Variants in DNAH7 observed in about 807,000 individuals in gnomAD.
DNAH7 encodes axonemal beta dynein heavy chain 7.
In DNAH7, 397 loss-of-function variants were observed where a neutral mutation model predicts 444.6. That is an observed-to-expected ratio of 0.89 (90% CI 0.82 to 0.97). DNAH7 has a LOEUF of 0.97. DNAH7 is among the 50% of genes least tolerant of loss of function. The pLI is 0.00. For missense variants in DNAH7, 4,902 were observed against 4,800.8 expected (o/e 1.02, Z -0.62); for synonymous variants, 1,636 against 1,624.4 (o/e 1.01, Z -0.17).
intron 46 of DNAH7, among the ~76,000 whole-genome samples, chr2:195,851,355 A>G (rs370739550): frequency 5.9e-5 from 9 of 152,336 alleles, no homozygotes; most frequent in African/African-American, 2.2e-4. Context: ...CGAAGCAAGG[A>G]AGGAATAAAA....
chr2:195,907,709 C>G (rs917288782), intron 25 of DNAH7, among the ~76,000 whole-genome samples: 4 of 152,100 alleles, frequency 2.6e-5, no homozygotes. Context: ...TGCAAGGACA[C>G]TAAGGCTATA....
intron 55 of DNAH7, among the ~76,000 whole-genome samples, chr2:195,797,267 T>C (rs1365109349): frequency 1.3e-5 from 2 of 152,210 alleles, no homozygotes; most frequent in Admixed American, 6.5e-5. Context: ...TTTTACTGTA[T>C]TCTAATTCGT....
chr2:195,945,618 CT>C (rs1465443380), intron 19 of DNAH7, among the ~76,000 whole-genome samples: 1 of 152,150 alleles, frequency 6.6e-6, no homozygotes, highest in Non-Finnish European at 1.5e-5. Context: ...ATGATCTTTT[CT>C]GCTTTTCAGC....
At chr2:195,802,377 A>G (rs1381790569) in intron 54 of DNAH7, among the ~76,000 whole-genome samples, 3 of 151,976 alleles carry the variant, frequency 2.0e-5, no homozygotes, top group South Asian at 2.1e-4. Context: ...GCGTGTGCCT[A>G]TAATTCCAGC....
chr2:195,776,929 CT>C (rs1695091545), intron 59 of DNAH7, among the ~76,000 whole-genome samples: 1 of 152,128 alleles, frequency 6.6e-6, no homozygotes, highest in Non-Finnish European at 1.5e-5. Context: ...CTTCATCTTG[CT>C]TTTTTCTCAC....
intron 54 of DNAH7, among the ~76,000 whole-genome samples, chr2:195,801,043 C>A (rs1296389231): frequency 6.6e-6 from 1 of 152,168 alleles, no homozygotes; most frequent in East Asian, 1.9e-4. Context: ...CTTTGGGTGT[C>A]TGCTTCCCCT....
At chr2:195,795,077 C>T (rs1278126246) in intron 56 of DNAH7, among the ~76,000 whole-genome samples, 1 of 152,098 alleles carries the variant, frequency 6.6e-6, no homozygotes, top group Non-Finnish European at 1.5e-5. Flanking sequence ...AGCAGACAGG[C>T]ACAAACATAA....
rs533931282 is a variant in DNAH7 at position 196,032,972 on chromosome 2, T to C, written c.399-4925A>G. Among the ~76,000 whole-genome samples, 13 of 152,278 alleles carry C rather than the reference T, an allele frequency of 8.5e-5. No homozygotes were observed. The East Asian group carries it at 2.3e-3, about 27-fold the overall frequency. ...AATATATAAAAAGCAACTAATGTAA[T>C]ATATCACATTAATAGAATAAAGAAC... is the stretch of plus-strand genomic sequence containing the variant. On this transcript the variant is annotated intron_variant, in intron 5 of 64. Transcript: ENST00000312428.
intron 61 of DNAH7, among the ~76,000 whole-genome samples, chr2:195,759,619 C>A (rs1299192913): frequency 6.6e-6 from 1 of 152,066 alleles, no homozygotes; most frequent in Non-Finnish European, 1.5e-5. Context: ...CAGGCCTTGG[C>A]TCCTGGATGG....
chr2:195,942,687 T>A (rs569914793), intron 19 of DNAH7, among the ~76,000 whole-genome samples: 1 of 152,118 alleles, frequency 6.6e-6, no homozygotes, highest in Non-Finnish European at 1.5e-5. Context: ...CTAGATTTCA[T>A]CTAGAAAAGC....
intron 31 of DNAH7, 126 bp downstream of exon 31, chr2:195,891,529 T>C: frequency 4.7e-6 from 4 of 859,272 alleles, no homozygotes; most frequent in Non-Finnish European, 6.5e-6. Flanking sequence ...GAATATCCAG[T>C]ACTGTGTTTT....
chr2:196,041,680 A>G (rs1419611040), intron 5 of DNAH7, among the ~76,000 whole-genome samples: 8 of 152,078 alleles, frequency 5.3e-5, no homozygotes. Context: ...CCTCGAAAGC[A>G]TAAGCAACAA....
intron 42 of DNAH7, among the ~76,000 whole-genome samples, chr2:195,860,146 C>A (rs1318419668): frequency 6.6e-6 from 1 of 151,870 alleles, no homozygotes; most frequent in Non-Finnish European, 1.5e-5. Context: ...TGACTTTCAA[C>A]CTGTAAGTTT....
At chr2:195,955,950 T>C (rs1338444352) in intron 19 of DNAH7, among the ~76,000 whole-genome samples, 1 of 152,162 alleles carries the variant, frequency 6.6e-6, no homozygotes, top group East Asian at 1.9e-4. Flanking sequence ...AACTTACTAA[T>C]AGGTTCTTTA....
intron 19 of DNAH7, among the ~76,000 whole-genome samples, chr2:195,938,344 T>TCACACACACACACACACA (rs68056425): frequency 3.7e-5 from 5 of 134,082 alleles, no homozygotes; most frequent in African/African-American, 1.3e-4. Flanking sequence ...AAATAGACAT[T>TCACACACACACACACACA]CACACACACA....
rs557538979 is a variant in DNAH7 at position 195,861,877 on chromosome 2, T to C, written c.7576A>G (p.Ile2526Val). The C allele has an allele frequency of 6.2e-7, 1 of 1,614,024 alleles. No homozygotes were observed. Among genetic ancestry groups the C allele is most frequent in the Admixed American group, 1.7e-5 (1 of 60,012 alleles). ...CACATGTCGATACAGCCATCTCGTA[T>C]TTCCTCTGACATTTCAATTTCTTCC... ...FLEEIEMSEE[I>V]RDGCIDMCKS... Residue 2526 changes from isoleucine (I) to valine (V), a missense_variant, in exon 42 of 65, where the codon ATA becomes GTA. Coordinates refer to ENST00000312428, the MANE Select transcript of DNAH7 (RefSeq NM_018897.3).
intron 41 of DNAH7, among the ~76,000 whole-genome samples, chr2:195,863,225 T>G (rs544366692): frequency 7.2e-4 from 110 of 152,366 alleles, no homozygotes; most frequent in African/African-American, 2.4e-3. Flanking sequence ...AATAAATGTT[T>G]TGCATGAAAT....
At chr2:195,881,019 CA>C (rs1352836764) in intron 36 of DNAH7, among the ~76,000 whole-genome samples, 1 of 150,932 alleles carries the variant, frequency 6.6e-6, no homozygotes, top group Admixed American at 6.6e-5. Flanking sequence ...TAATCCAGGC[CA>C]AAAACACTCC....
intron 19 of DNAH7, among the ~76,000 whole-genome samples, chr2:195,943,651 A>G (rs1252678644): frequency 1.3e-5 from 2 of 152,168 alleles, no homozygotes; most frequent in African/African-American, 2.4e-5. Flanking sequence ...AATTCCTTCC[A>G]TAATTCCCAC....
Sources: gnomAD v4.1 joint callset for allele counts (sites outside exome capture counted in the v4.1 genomes callset) on GRCh38, gnomAD v4.1.1 for gene constraint, MANE v1.5 for transcripts, NCBI Gene and HGNC (gene_info 2026-07-23, HGNC 2026-07-21) for gene names.